The following GRID2 variants were observed in gnomAD, a reference collection of about 807,000 sequenced individuals.
The protein encoded by GRID2 is glutamate receptor ionotropic, delta-2.
GRID2 carries 33 observed loss-of-function variants against 114.8 expected under a neutral mutation model. That is an observed-to-expected ratio of 0.29 (90% confidence interval 0.22 to 0.38). The LOEUF is 0.38. Ranked by LOEUF, GRID2 falls within the 10% of genes least tolerant of loss-of-function variation. GRID2 has a pLI of 1.00. For synonymous variants in GRID2, 505 were observed against 449.9 expected (o/e 1.12, Z -1.55); for missense variants, 1,184 against 1,257.7 (o/e 0.94, Z 0.89).
chr4:93,566,005 G>T (rs1170456335), intron 13 of GRID2, among the ~76,000 whole-genome samples: 2 of 152,136 alleles, frequency 1.3e-5, no homozygotes, highest in African/African-American at 4.8e-5. Flanking sequence ...GCAGTGGTGG[G>T]GGATTTGCTC....
chr4:92,808,853 G>A lies in GRID2; in HGVS notation c.244+218567G>A, dbSNP rs367544459. On this transcript the variant is annotated intron_variant, in intron 2 of 15. Transcript: ENST00000282020. ...CACTGAGAAACTTATATTCTCAGTT[G>A]GATAAAACAAAATATTTTGGGCCAA... 2.7e-4 allele frequency among the ~76,000 whole-genome samples: 41 copies of A among 151,244 alleles called. No homozygotes were observed. The South Asian group carries it at 7.5e-3, about 28-fold the overall frequency.
intron 2 of GRID2, among the ~76,000 whole-genome samples, chr4:92,785,002 A>C (rs918193226): frequency 1.3e-5 from 2 of 151,648 alleles, no homozygotes; most frequent in African/African-American, 4.8e-5. Flanking sequence ...TAGAATGTGG[A>C]AAAGTTAGTG....
intron 1 of GRID2, among the ~76,000 whole-genome samples, chr4:92,333,984 G>A (rs1442401194): frequency 2.0e-5 from 3 of 152,234 alleles, no homozygotes; most frequent in South Asian, 2.1e-4. Flanking sequence ...TCCCATCTCA[G>A]TCTCCTGAGT....
At chr4:92,901,868 TG>T (rs1481456964) in intron 2 of GRID2, among the ~76,000 whole-genome samples, 1 of 151,832 alleles carries the variant, frequency 6.6e-6, no homozygotes, top group Non-Finnish European at 1.5e-5. Context: ...TGTATCAGGG[TG>T]ATATTGGCTT....
At chr4:92,913,691 G>C (rs181494813) in intron 2 of GRID2, among the ~76,000 whole-genome samples, 4 of 152,024 alleles carry the variant, frequency 2.6e-5, no homozygotes, top group African/African-American at 9.6e-5. Context: ...AAATATAGTA[G>C]ATTTTTATTG....
chr4:93,025,681 T>C (rs1723819818), intron 2 of GRID2, among the ~76,000 whole-genome samples: 1 of 151,854 alleles, frequency 6.6e-6, no homozygotes, highest in East Asian at 1.9e-4. Context: ...TTGCAGTAAG[T>C]AGCTTAAGAA....
intron 2 of GRID2, among the ~76,000 whole-genome samples, chr4:92,798,856 T>G (rs1055608670): frequency 9.9e-5 from 15 of 152,004 alleles, no homozygotes; most frequent in Admixed American, 3.9e-4. Context: ...GTATGCTACT[T>G]GCATGGCTAC....
At chr4:92,335,854 C>T (rs1727133366) in intron 1 of GRID2, among the ~76,000 whole-genome samples, 1 of 152,130 alleles carries the variant, frequency 6.6e-6, no homozygotes, top group Non-Finnish European at 1.5e-5. Flanking sequence ...TTATCTGATG[C>T]TTGAGAAGTC....
Position 92,406,435 on chromosome 4 carries a change from G to A in GRID2, c.88+101691G>A, listed in dbSNP as rs540506778. 3.3e-5 allele frequency among the ~76,000 whole-genome samples: 5 copies of A among 152,184 alleles called. No homozygotes were observed. The South Asian group carries it at 6.2e-4, about 19-fold the overall frequency. On this transcript the variant is annotated intron_variant, in intron 1 of 15. Transcript: ENST00000282020. ...TTAATGATTTCATTTTAGAAAACATGTGCACAGTTCTTACTGGCCTAGAAC... is the reference window on the plus strand; with the variant it reads ...TTAATGATTTCATTTTAGAAAACATATGCACAGTTCTTACTGGCCTAGAAC...
intron 2 of GRID2, chr4:92,833,539 CAGA>C (rs1048607279): frequency 6.6e-6 from 1 of 152,130 alleles, no homozygotes; most frequent in Non-Finnish European, 1.5e-5. Context: ...CTTATTCAGA[CAGA>C]AGAAGTAATC....
At chr4:93,414,706 T>TATATATATATATATATATATATATA (rs1560595949) in intron 9 of GRID2, among the ~76,000 whole-genome samples, 30 of 149,668 alleles carry the variant, frequency 2.0e-4, no homozygotes, top group Admixed American at 2.7e-4. Flanking sequence ...TATATATATA[T>TATATATATATATATATATATATATA]TTCCTTTTTT....
chr4:93,722,048 A>T (rs1327693657), intron 14 of GRID2, among the ~76,000 whole-genome samples: 1 of 150,730 alleles, frequency 6.6e-6, no homozygotes, highest in Non-Finnish European at 1.5e-5. Flanking sequence ...TCTCCCAAGC[A>T]GCTGGGATTA....
At chr4:92,481,938 T>C (rs1722614591) in intron 1 of GRID2, among the ~76,000 whole-genome samples, 1 of 128,754 alleles carries the variant, frequency 7.8e-6, no homozygotes, top group African/African-American at 2.7e-5. Context: ...AGACATGGAA[T>C]CTATCCATAT....
chr4:93,340,560 C>T (rs1346897380), intron 8 of GRID2, among the ~76,000 whole-genome samples: 1 of 151,926 alleles, frequency 6.6e-6, no homozygotes, highest in East Asian at 1.9e-4. Flanking sequence ...AGATTATTTT[C>T]AGTTTTTGGT....
At chr4:93,010,165 AT>A (rs1553965895) in intron 2 of GRID2, among the ~76,000 whole-genome samples, 3 of 151,804 alleles carry the variant, frequency 2.0e-5, no homozygotes, top group Admixed American at 6.6e-5. Context: ...ACTTAAAAAA[AT>A]TTTTTTTATC....
In GRID2 at chr4:93,750,755, C is replaced by CA. The variant is rs112735870; in HGVS notation, c.2361-18447dup. 7.0e-3 allele frequency among the ~76,000 whole-genome samples: 1,056 copies of CA among 150,032 alleles called. 14 individuals carry two copies. The highest frequency in any genetic ancestry group is 0.024 in the African/African-American group (995 of 40,830). On this transcript the variant is annotated intron_variant, in intron 14 of 15. Coordinates refer to ENST00000282020, the MANE Select transcript of GRID2 (RefSeq NM_001510.4). ...TGGGTGACAGCACAAGACTCCGTCT[C>CA]AAAAAAAACAAAAAGGTGGTCTTGA...
chr4:93,090,077 C>T (rs1730648277), intron 3 of GRID2, among the ~76,000 whole-genome samples: 1 of 152,156 alleles, frequency 6.6e-6, no homozygotes, highest in African/African-American at 2.4e-5. Flanking sequence ...TAGTCACATT[C>T]TTTCTACAAC....
chr4:93,775,739 A>G (rs1734356997), downstream of GRID2, among the ~76,000 whole-genome samples: 1 of 152,208 alleles, frequency 6.6e-6, no homozygotes, highest in Non-Finnish European at 1.5e-5. Context: ...ACTGTACCAC[A>G]TCAGAACTTA....
At chr4:93,377,529 AC>A (rs1763484515) in intron 8 of GRID2, among the ~76,000 whole-genome samples, 2 of 152,254 alleles carry the variant, frequency 1.3e-5, no homozygotes, top group South Asian at 4.1e-4. Context: ...CCACATTAGC[AC>A]AGTATTCTAG....
Sources: gnomAD v4.1 joint callset for allele counts (sites outside exome capture counted in the v4.1 genomes callset) on GRCh38, gnomAD v4.1.1 for gene constraint, MANE v1.5 for transcripts, NCBI Gene and HGNC (gene_info 2026-07-23, HGNC 2026-07-21) for gene names.